DMD: variants seen among roughly 807,000 people sequenced by gnomAD.
DMD encodes mutant dystrophin.
DMD carries 63 observed loss-of-function variants against 330.1 expected under a neutral mutation model. The observed-to-expected ratio is 0.19, with a 90% confidence interval of 0.16 to 0.24. DMD has a LOEUF of 0.24. Among genes scored for constraint, DMD ranks in the 10% least tolerant of loss-of-function variants. DMD has a pLI of 1.00. For missense variants in DMD, 3,344 were observed against 2,684.1 expected, an observed-to-expected ratio of 1.25 and a Z score of -5.43; for synonymous variants, 1,223 against 959.8, an observed-to-expected ratio of 1.27 and a Z score of -5.07.
intron 27 of DMD, among the ~76,000 whole-genome samples, chrX:32,444,264 C>G (rs73619088): frequency 0.054 from 5,932 of 109,527 alleles, 410 homozygotes; most frequent in African/African-American, 0.19. Context: ...AAGATCCACC[C>G]ATAACAAACG....
intron 1 of DMD, among the ~76,000 whole-genome samples, chrX:33,199,343 C>A (rs1421948858): frequency 9.0e-6 from 1 of 110,939 alleles, no homozygotes; most frequent in African/African-American, 3.3e-5. Context: ...CAGTGACTGG[C>A]AATGACTTAG....
At chrX:31,670,025 C>G (rs963792059) in intron 53 of DMD, among the ~76,000 whole-genome samples, 6 of 111,387 alleles carry the variant, frequency 5.4e-5, no homozygotes, top group Admixed American at 3.8e-4. Context: ...ACAAGCCTTG[C>G]ATCTCTTTTA....
intron 37 of DMD, among the ~76,000 whole-genome samples, chrX:32,360,794 C>T (rs868406781): frequency 2.0e-5 from 1 of 50,587 alleles, no homozygotes; most frequent in Non-Finnish European, 3.4e-5. Flanking sequence ...CACACACACA[C>T]ACACAAAATA....
chrX:31,770,050 G>C (rs772335710), intron 51 of DMD, among the ~76,000 whole-genome samples: 1 of 112,198 alleles, frequency 8.9e-6, no homozygotes, highest in African/African-American at 3.2e-5. Flanking sequence ...GGAGAAAAGA[G>C]AGTATCACAA....
chrX:33,215,197 C>T (rs1473213046), upstream of DMD, among the ~76,000 whole-genome samples: 1 of 108,957 alleles, frequency 9.2e-6, no homozygotes, highest in Admixed American at 9.9e-5. Flanking sequence ...TGATGTCAGG[C>T]GCCTGTCATC....
intron 48 of DMD, among the ~76,000 whole-genome samples, chrX:31,842,707 T>C (rs1356675750): frequency 4.5e-5 from 5 of 112,037 alleles, no homozygotes; most frequent in Non-Finnish European, 7.5e-5. Flanking sequence ...AACAAAGTAT[T>C]TTTTTAAATA....
At chrX:33,074,075 T>C (rs914187777) in intron 1 of DMD, among the ~76,000 whole-genome samples, 26 of 111,170 alleles carry the variant, frequency 2.3e-4, no homozygotes, top group African/African-American at 7.8e-4. Flanking sequence ...GTAGACAAGA[T>C]TGAAAAACTA....
At chrX:31,595,934 C>T (rs979879027) in intron 55 of DMD, among the ~76,000 whole-genome samples, 1 of 110,544 alleles carries the variant, frequency 9.0e-6, no homozygotes, top group Admixed American at 9.7e-5. Flanking sequence ...TCAAAAGCAA[C>T]GTTTTTATCC....
intron 44 of DMD, among the ~76,000 whole-genome samples, chrX:32,044,691 G>A (rs1277179276): frequency 1.8e-5 from 2 of 111,287 alleles, no homozygotes; most frequent in African/African-American, 6.5e-5. Context: ...CAAAGTGCTG[G>A]GATTACAGGC....
At chrX:32,329,496 G>C (rs1262015352) in intron 41 of DMD, among the ~76,000 whole-genome samples, 1 of 111,873 alleles carries the variant, frequency 8.9e-6, no homozygotes, top group Non-Finnish European at 1.9e-5. Context: ...TTTCCCATTA[G>C]GGAGGCCAAT....
At position 33,314,568 on chromosome X, in the gene DMD, TTG is replaced by T. The variant is rs1296348146; in HGVS notation, c.7+24689_7+24690del. On this transcript the variant is annotated intron_variant, in intron 1 of 17. Transcript: ENST00000288447. ...CCACTGTGCCCAGCCTGTTTTTTTT[TTG>T]TTTTTTTTTTTTTTTTTATCTTTCT... 1.3e-3 allele frequency among the ~76,000 whole-genome samples: 84 copies of T among 66,638 alleles called. 6 individuals carry two copies. Among genetic ancestry groups the T allele is most frequent in the African/African-American group, 3.8e-3 (81 of 21,213 alleles). The allele number at this position is 66,638 out of a possible 115,157, so 57.9% of individuals were successfully genotyped here.
chrX:32,367,314 A>T (rs750054405), intron 34 of DMD, among the ~76,000 whole-genome samples: 1 of 112,116 alleles, frequency 8.9e-6, no homozygotes, highest in South Asian at 3.7e-4. Flanking sequence ...ATATCCAAGT[A>T]TGAGTTTGTC....
intron 60 of DMD, among the ~76,000 whole-genome samples, chrX:31,404,527 C>G (rs1014493379): frequency 8.9e-6 from 1 of 112,027 alleles, no homozygotes; most frequent in Admixed American, 9.5e-5. Context: ...TAACACTGCA[C>G]AGATGTCTTG....
intron 44 of DMD, among the ~76,000 whole-genome samples, chrX:31,987,788 C>T (rs965050885): frequency 3.6e-5 from 4 of 111,451 alleles, no homozygotes; most frequent in African/African-American, 1.3e-4. Flanking sequence ...GGAGGTTCCT[C>T]GAAAACTTAA....
At chrX:32,456,802 A>G (rs759106654) in intron 25 of DMD, among the ~76,000 whole-genome samples, 4 of 108,693 alleles carry the variant, frequency 3.7e-5, no homozygotes, top group Non-Finnish European at 5.8e-5. Context: ...GCCATTTGTA[A>G]TAACAGGCAA....
intron 1 of DMD, among the ~76,000 whole-genome samples, chrX:33,098,435 T>C (rs907128875): frequency 3.2e-4 from 36 of 111,607 alleles, no homozygotes; most frequent in African/African-American, 1.1e-3. Context: ...TGAATGGGTC[T>C]GCTGTCATTG....
chrX:32,903,434 T>C (rs146020412), intron 2 of DMD, among the ~76,000 whole-genome samples: 142 of 110,675 alleles, frequency 1.3e-3, no homozygotes, highest in South Asian at 6.5e-3. Context: ...TTTTGTGCAA[T>C]GCTGAGGGGT....
intron 62 of DMD, among the ~76,000 whole-genome samples, chrX:31,265,696 TC>T (rs955817588): frequency 3.3e-4 from 33 of 100,243 alleles, no homozygotes; most frequent in African/African-American, 1.2e-3. Context: ...CACTCGCTTC[TC>T]CAACAGCAAA....
rs1005182614 is a variant in DMD at position 31,205,772 on chromosome X, C to T, written c.9649+810G>A. ...AAATGATCAGTAGGAGACAGAGTGG[C>T]TTTTATCTCCTGCCTGTCCTGAAGC... On this transcript the variant is annotated intron_variant, in intron 66 of 78. Transcript: ENST00000357033. Among the ~76,000 whole-genome samples, 4 of 112,792 alleles carry T rather than the reference C, an allele frequency of 3.5e-5. No homozygotes were observed. In the East Asian group the frequency reaches 1.1e-3, roughly 31 times the overall value.
Sources: gnomAD v4.1 joint callset for allele counts (sites outside exome capture counted in the v4.1 genomes callset) on GRCh38, gnomAD v4.1.1 for gene constraint, MANE v1.5 for transcripts, NCBI Gene and HGNC (gene_info 2026-07-23, HGNC 2026-07-21) for gene names.